RAD54L2: variants seen among roughly 807,000 people sequenced by gnomAD.
RAD54L2 encodes the protein RAD54 like 2.
Under a neutral mutation model 138.4 loss-of-function variants are expected in RAD54L2, and 27 were observed. The ratio of observed to expected loss-of-function variants is 0.20; its 90% CI spans 0.14 to 0.27. The LOEUF (loss-of-function observed/expected upper bound fraction) is 0.27, where lower values mean the gene tolerates loss of function less well. Ranked by LOEUF, RAD54L2 falls within the 10% of genes least tolerant of loss-of-function variation. The probability of loss-of-function intolerance (pLI) is 1.00; values close to 1 mark genes in which losing one functional copy is unlikely to be tolerated. For synonymous variants in RAD54L2, 644 were observed against 723.2 expected (o/e 0.89, Z 1.76); for missense variants, 1,396 against 1,890.2 (o/e 0.74, Z 4.85).
At chr3:51,544,380 A>G (rs1334279917) in intron 2 of RAD54L2, among the ~76,000 whole-genome samples, 1 of 152,144 alleles carries the variant, frequency 6.6e-6, no homozygotes, top group Non-Finnish European at 1.5e-5. Context: ...ATTTGTTCAT[A>G]ATTTTGAGGC....
rs187176795 is a variant in RAD54L2, at chr3:51,650,392, G to A, written c.3026+3911G>A. Among the ~76,000 whole-genome samples the A allele has an allele frequency of 1.1e-4, 17 of 152,244 alleles. No homozygotes were observed. The East Asian group carries it at 3.1e-3, about 28-fold the overall frequency. ...GACAGATCAACGAGACAGAAGGTTA[G>A]CAAGGATATCCAGGACTTGAACTCA... On this transcript the variant is annotated intron_variant, in intron 19 of 22. Coordinates refer to ENST00000684192, the MANE Select transcript of RAD54L2 (RefSeq NM_015106.4).
chr3:51,667,169 CTTT>C lies in RAD54L2; in HGVS notation c.*3761_*3763del, dbSNP rs79443431. ...GATATTACCTTCTGCTTCCCACTTCCTTTTTTTTTTTTTTGAGACAGAGTCTTG... is the reference window on the plus strand; with the variant it reads ...GATATTACCTTCTGCTTCCCACTTCCTTTTTTTTTTTGAGACAGAGTCTTG... On this transcript the variant is annotated 3_prime_UTR_variant, in exon 23 of 23. Transcript: ENST00000684192. The C allele has an allele frequency of 2.1e-5, 3 of 142,952 alleles. No individual in the cohort carries two copies. The highest frequency in any genetic ancestry group is 3.1e-5 in the Non-Finnish European group (2 of 64,774). The allele number at this position is 142,952 out of a possible 1,614,324, so 8.9% of individuals were successfully genotyped here.
At chr3:51,545,788 G>T (rs1448413233) in intron 2 of RAD54L2, among the ~76,000 whole-genome samples, 1 of 151,666 alleles carries the variant, frequency 6.6e-6, no homozygotes, top group East Asian at 1.9e-4. Flanking sequence ...ACTATGTTGC[G>T]CAGGCTGGTC....
chr3:51,539,731 T>TG lies in RAD54L2; in HGVS notation c.-117+819dup, dbSNP rs1698504821. Among the ~76,000 whole-genome samples the TG allele has an allele frequency of 2.0e-5, 3 of 151,904 alleles. No individual in the cohort carries two copies. In the South Asian group the frequency reaches 6.2e-4, roughly 31 times the overall value. On this transcript the variant is annotated intron_variant, in intron 1 of 22. Coordinates refer to ENST00000684192, the MANE Select transcript of RAD54L2 (RefSeq NM_015106.4). ...AGATGAACAAGGAAACTTTGCAGAG[T>TG]GGGCTTCCTGATGGAGAGTGACCTC...
At chr3:51,632,743 T>G (rs1577442797) in intron 7 of RAD54L2, among the ~76,000 whole-genome samples, 1 of 151,542 alleles carries the variant, frequency 6.6e-6, no homozygotes, top group East Asian at 2.0e-4. Flanking sequence ...AATACAAAAA[T>G]TAGGTGGGCA....
chr3:51,653,918 A>G (rs1034318928), intron 19 of RAD54L2, among the ~76,000 whole-genome samples: 2 of 152,236 alleles, frequency 1.3e-5, no homozygotes, highest in African/African-American at 4.8e-5. Context: ...GTACCCTGGA[A>G]CTTAAAGTAT....
intron 2 of RAD54L2, among the ~76,000 whole-genome samples, chr3:51,558,035 A>C (rs1437709208): frequency 6.6e-6 from 1 of 151,486 alleles, no homozygotes; most frequent in Non-Finnish European, 1.5e-5. Context: ...TTGTAGAGAG[A>C]GGGTTTTACC....
intron 3 of RAD54L2, among the ~76,000 whole-genome samples, chr3:51,619,299 C>T (rs570868924): frequency 2.0e-5 from 3 of 152,280 alleles, no homozygotes; most frequent in South Asian, 2.1e-4. Context: ...CCTCGTGATC[C>T]GTCTGCCTTG....
intron 2 of RAD54L2, among the ~76,000 whole-genome samples, chr3:51,579,641 AC>A (rs1399247288): frequency 6.6e-6 from 1 of 152,210 alleles, no homozygotes; most frequent in Non-Finnish European, 1.5e-5. Context: ...GAACCCCGGT[AC>A]CATTTAATTA....
chr3:51,553,372 A>C (rs1698890140), intron 2 of RAD54L2, among the ~76,000 whole-genome samples: 1 of 152,188 alleles, frequency 6.6e-6, no homozygotes, highest in Non-Finnish European at 1.5e-5. Flanking sequence ...CACTGCACCC[A>C]GCTTAACTTT....
At chr3:51,598,454 G>A (rs1462689492) in intron 3 of RAD54L2, among the ~76,000 whole-genome samples, 1 of 152,062 alleles carries the variant, frequency 6.6e-6, no homozygotes, top group Non-Finnish European at 1.5e-5. Context: ...AAATCCTAGA[G>A]GGGATGGGTG....
At chr3:51,546,383 G>A (rs1457340515) in intron 2 of RAD54L2, among the ~76,000 whole-genome samples, 1 of 152,116 alleles carries the variant, frequency 6.6e-6, no homozygotes, top group East Asian at 1.9e-4. Flanking sequence ...GCTCACGCCT[G>A]TAATCCCAGC....
chr3:51,565,855 G>T (rs1157888805), intron 2 of RAD54L2, among the ~76,000 whole-genome samples: 1 of 140,876 alleles, frequency 7.1e-6, no homozygotes, highest in African/African-American at 2.7e-5. Flanking sequence ...TTGAGACGGA[G>T]TCTTGCTCTG....
Position 51,639,868 on chromosome 3 carries a change from TTC to T in RAD54L2, c.2113-7_2113-6del, listed in dbSNP as rs1442469521. The T allele has an allele frequency of 6.3e-7, 1 of 1,577,034 alleles. No individual in the cohort carries two copies. The highest frequency in any genetic ancestry group is 2.2e-5 in the East Asian group (1 of 44,446). On this transcript the variant is annotated splice_polypyrimidine_tract_variant and intron_variant, in intron 13 of 22. Coordinates refer to ENST00000684192, the MANE Select transcript of RAD54L2 (RefSeq NM_015106.4). ...TTGGACCTGCTCTAAGCTGCCTTGTTTCTCTCTTGCAGGCCAAGGACCTTCTG... is the reference window on the plus strand; with the variant it reads ...TTGGACCTGCTCTAAGCTGCCTTGTTTCTCTTGCAGGCCAAGGACCTTCTG...
intron 7 of RAD54L2, among the ~76,000 whole-genome samples, chr3:51,632,151 C>G (rs181198873): frequency 6.6e-6 from 1 of 152,230 alleles, no homozygotes; most frequent in Non-Finnish European, 1.5e-5. Flanking sequence ...CTGCAAATGA[C>G]AGGATTTCAT....
chr3:51,590,638 T>C (rs531854675), intron 3 of RAD54L2, 79 bp downstream of exon 3: 20 of 1,545,278 alleles, frequency 1.3e-5, no homozygotes, highest in South Asian at 4.8e-5. Context: ...CCTTGGCGTT[T>C]CCAGTTAGAT....
At chr3:51,641,974 AT>A in intron 15 of RAD54L2, 107 bp downstream of exon 15, 1 of 795,918 alleles carries the variant, frequency 1.3e-6, no homozygotes, top group Non-Finnish European at 2.0e-6. Context: ...GCATAGGAAT[AT>A]TTGTGATTAG....
chr3:51,610,639 CAAA>C (rs538225499), intron 3 of RAD54L2, among the ~76,000 whole-genome samples: 4 of 59,082 alleles, frequency 6.8e-5, no homozygotes, highest in Admixed American at 1.9e-4. Flanking sequence ...GACTCCATCT[CAAA>C]AAAAAAAAAA....
At chr3:51,615,113 A>C (rs2106767503) in intron 3 of RAD54L2, among the ~76,000 whole-genome samples, 1 of 152,184 alleles carries the variant, frequency 6.6e-6, no homozygotes, top group African/African-American at 2.4e-5. Context: ...TCCTGAGTTA[A>C]AGCGATTCTC....
Sources: allele counts gnomAD v4.1 joint callset (sites outside exome capture counted in the v4.1 genomes callset), GRCh38; gene constraint gnomAD v4.1.1; transcripts MANE v1.5; gene names NCBI Gene and HGNC (gene_info 2026-07-23, HGNC 2026-07-21).